PCLO: variants seen among roughly 807,000 people sequenced by gnomAD.
PCLO encodes protein piccolo.
A neutral mutation model predicts 427.5 loss-of-function variants in PCLO; 82 were observed. The observed-to-expected ratio is 0.19, with a 90% CI of 0.16 to 0.23. The LOEUF (loss-of-function observed/expected upper bound fraction) is 0.23. Ranked by LOEUF, PCLO falls within the 10% of genes least tolerant of loss-of-function variation. PCLO has a pLI of 1.00. For missense variants in PCLO, 6,239 were observed against 6,115.9 expected, an observed-to-expected ratio of 1.02 and a Z score of -0.67; for synonymous variants, 2,357 against 2,155.4, an observed-to-expected ratio of 1.09 and a Z score of -2.59.
Position 82,827,789 on chromosome 7 carries a change from T to C in PCLO, c.14343+84A>G, listed in dbSNP as rs182211400. On this transcript the variant is annotated intron_variant, in intron 17 of 24. Transcript: ENST00000333891. Reference sequence around the variant, plus strand: ...TTTTTTGTTTGATTGGCAAAATGTATACAGATCCCAATTTTTGAATAATTG... The same window carrying C: ...TTTTTTGTTTGATTGGCAAAATGTACACAGATCCCAATTTTTGAATAATTG... 8 of 772,348 alleles carry C rather than the reference T, an allele frequency of 1.0e-5. No individual in the cohort carries two copies. The East Asian group carries it at 1.1e-4, about 11-fold the overall frequency. 47.8% of individuals were successfully genotyped at this position (772,348 alleles called of 1,614,324 possible). A position where few individuals can be genotyped will look rare whatever the true frequency, so the allele number is the denominator to read the frequency against.
Position 83,025,413 on chromosome 7 carries a change from A to G in PCLO, c.3301-58926T>C, listed in dbSNP as rs1241241793. On this transcript the variant is annotated intron_variant, in intron 3 of 24. Transcript: ENST00000333891. The stretch of plus-strand genomic sequence containing the variant: ...AAGGGAAGTTTAGAGAAAAAAGAAT[A>G]AAAAGAAATGAGCAAAGCCTCCAAG... Among the ~76,000 whole-genome samples the G allele has an allele frequency of 2.0e-5, 3 of 150,468 alleles. No homozygotes were observed. The South Asian group carries it at 6.3e-4, about 32-fold the overall frequency.
chr7:82,850,001 T>C (rs1792606764), intron 10 of PCLO, among the ~76,000 whole-genome samples: 1 of 122,652 alleles, frequency 8.2e-6, no homozygotes, highest in Non-Finnish European at 1.8e-5. Context: ...AAATAGCTTA[T>C]TATTATTATT....
At chr7:82,907,231 T>C (rs903243752) in intron 8 of PCLO, among the ~76,000 whole-genome samples, 5 of 152,000 alleles carry the variant, frequency 3.3e-5, no homozygotes, top group Non-Finnish European at 5.9e-5. Context: ...ATATTCCTGC[T>C]TGTTAATTAC....
chr7:83,113,162 GT>G (rs1358383413), intron 3 of PCLO, among the ~76,000 whole-genome samples: 1 of 152,088 alleles, frequency 6.6e-6, no homozygotes, highest in African/African-American at 2.4e-5. Flanking sequence ...CACACAGAAG[GT>G]CCTCTTATCA....
intron 3 of PCLO, among the ~76,000 whole-genome samples, chr7:83,011,882 C>G (rs1456862750): frequency 3.3e-5 from 5 of 152,146 alleles, no homozygotes; most frequent in Non-Finnish European, 1.5e-5. Flanking sequence ...ATTCATTCAA[C>G]AGACATTCAG....
At chr7:83,072,565 G>A (rs1397016780) in intron 3 of PCLO, among the ~76,000 whole-genome samples, 1 of 151,968 alleles carries the variant, frequency 6.6e-6, no homozygotes, top group Non-Finnish European at 1.5e-5. Flanking sequence ...AATGATTCCA[G>A]TCTTGACTTT....
intron 3 of PCLO, among the ~76,000 whole-genome samples, chr7:82,966,796 A>C (rs1196727795): frequency 6.6e-6 from 1 of 152,188 alleles, no homozygotes; most frequent in Non-Finnish European, 1.5e-5. Flanking sequence ...GAAGAAAAAA[A>C]ATCTGCATTT....
intron 9 of PCLO, among the ~76,000 whole-genome samples, chr7:82,899,104 T>C (rs1793978103): frequency 6.6e-6 from 1 of 151,458 alleles, no homozygotes; most frequent in Non-Finnish European, 1.5e-5. Context: ...ATGAAACATA[T>C]ATACTTGTAT....
chr7:83,094,210 C>CTG (rs61363541), intron 3 of PCLO, among the ~76,000 whole-genome samples: 3 of 126,020 alleles, frequency 2.4e-5, no homozygotes, highest in Admixed American at 8.5e-5. Flanking sequence ...ATTTTTTTTT[C>CTG]TTTTTTTTTT....
At chr7:82,900,710 AT>A (rs1372242615) in intron 9 of PCLO, among the ~76,000 whole-genome samples, 1 of 151,796 alleles carries the variant, frequency 6.6e-6, no homozygotes, top group African/African-American at 2.4e-5. Context: ...CAGAAAAAAA[AT>A]AAATGGTGGG....
At chr7:82,835,815 C>T (rs1792219208) in intron 15 of PCLO, 122 bp from the exon 16 acceptor site, 2 of 733,076 alleles carry the variant, frequency 2.7e-6, no homozygotes, top group Non-Finnish European at 4.7e-6. Flanking sequence ...AGGAGCTATC[C>T]CATAACATAA....
At chr7:82,886,268 GTATGTT>G (rs1320970019) in intron 9 of PCLO, among the ~76,000 whole-genome samples, 21 of 152,042 alleles carry the variant, frequency 1.4e-4, no homozygotes, top group Non-Finnish European at 2.9e-4. Flanking sequence ...ACAGTTTTAT[GTATGTT>G]TATATCTATC....
intron 3 of PCLO, among the ~76,000 whole-genome samples, chr7:83,084,643 A>C (rs190545277): frequency 5.4e-4 from 83 of 152,344 alleles, no homozygotes; most frequent in Admixed American, 3.0e-3. Flanking sequence ...AGTGTACCTC[A>C]TAAGTTGTAG....
intron 3 of PCLO, among the ~76,000 whole-genome samples, chr7:83,110,300 A>G (rs1790970830): frequency 6.6e-6 from 1 of 151,970 alleles, no homozygotes; most frequent in Admixed American, 6.6e-5. Flanking sequence ...GATGCTCTTT[A>G]CATGCCTTTT....
At chr7:83,088,283 A>T (rs1245431616) in intron 3 of PCLO, among the ~76,000 whole-genome samples, 1 of 152,152 alleles carries the variant, frequency 6.6e-6, no homozygotes, top group Non-Finnish European at 1.5e-5. Context: ...GAGGGTGAAG[A>T]AAGAGACTAC....
At chr7:83,024,145 C>T (rs1039704392) in intron 3 of PCLO, among the ~76,000 whole-genome samples, 2 of 152,184 alleles carry the variant, frequency 1.3e-5, no homozygotes, top group Non-Finnish European at 2.9e-5. Flanking sequence ...CAGCTCCCAG[C>T]GTGAGCGACG....
In PCLO at chr7:82,756,645, A is replaced by G. The variant is rs913456959; in HGVS notation, c.*1930T>C. 4 of 152,018 alleles carry G rather than the reference A, an allele frequency of 2.6e-5. No individual in the cohort carries two copies. The highest frequency in any genetic ancestry group is 9.7e-5 in the African/African-American group (4 of 41,398). The allele number at this position is 152,018 out of a possible 1,614,324, so 9.4% of individuals were successfully genotyped here. A position where few individuals can be genotyped will look rare whatever the true frequency, so the allele number is the denominator to read the frequency against. On this transcript the variant is annotated 3_prime_UTR_variant, in exon 25 of 25. Transcript: ENST00000333891. The stretch of plus-strand genomic sequence containing the variant: ...TTTTCTTTAAAAATGAGAAAATTCA[A>G]TATCCAACCAATATCTAGAGTTGGT...
intron 3 of PCLO, among the ~76,000 whole-genome samples, chr7:83,111,577 A>C (rs1343944494): frequency 6.6e-6 from 1 of 152,200 alleles, no homozygotes; most frequent in Non-Finnish European, 1.5e-5. Context: ...TTCCCAGCTG[A>C]GAGTCCACAA....
intron 9 of PCLO, among the ~76,000 whole-genome samples, chr7:82,884,621 T>C (rs1425589524): frequency 6.6e-6 from 1 of 152,164 alleles, no homozygotes; most frequent in Non-Finnish European, 1.5e-5. Flanking sequence ...GATACTTCTA[T>C]AAAAGGCAAT....
Sources: gnomAD v4.1 joint callset for allele counts (sites outside exome capture counted in the v4.1 genomes callset) on GRCh38, gnomAD v4.1.1 for gene constraint, MANE v1.5 for transcripts, NCBI Gene and HGNC (gene_info 2026-07-23, HGNC 2026-07-21) for gene names.